The following XPR1 variants were observed in gnomAD, a reference collection of about 807,000 sequenced individuals.
The protein encoded by XPR1 is xenotropic and polytropic retrovirus receptor 1.
Under a neutral mutation model 87.5 loss-of-function variants are expected in XPR1, and 28 were observed. The observed-to-expected ratio is 0.32, with a 90% CI of 0.24 to 0.44. The LOEUF is 0.44. XPR1 is among the 20% of genes least tolerant of loss of function. The pLI, the probability that XPR1 is intolerant of heterozygous loss-of-function variation, is 1.00. For missense variants in XPR1, 559 were observed against 862.3 expected (o/e 0.65, Z 4.41); for synonymous variants, 300 against 306.1 (o/e 0.98, Z 0.21).
chr1:180,708,272 T>C (rs920467706), intron 2 of XPR1, among the ~76,000 whole-genome samples: 8 of 152,212 alleles, frequency 5.3e-5, no homozygotes, highest in Non-Finnish European at 1.2e-4. Context: ...TCATCTGTGA[T>C]TTACAAGACT....
At chr1:180,848,914 A>G (rs1406061922) in intron 11 of XPR1, among the ~76,000 whole-genome samples, 1 of 152,210 alleles carries the variant, frequency 6.6e-6, no homozygotes, top group Non-Finnish European at 1.5e-5. Context: ...TAAAAATTAA[A>G]TGTTACCATA....
intron 2 of XPR1, among the ~76,000 whole-genome samples, chr1:180,757,423 A>G (rs1027983370): frequency 6.6e-6 from 1 of 152,158 alleles, no homozygotes; most frequent in Admixed American, 6.5e-5. Flanking sequence ...TGAATACATC[A>G]GAAAAAAACT....
At chr1:180,711,540 T>G (rs989067833) in intron 2 of XPR1, among the ~76,000 whole-genome samples, 1 of 148,652 alleles carries the variant, frequency 6.7e-6, no homozygotes, top group African/African-American at 2.5e-5. Flanking sequence ...GGCAGGGAGG[T>G]TGCAGTGAGC....
intron 1 of XPR1, among the ~76,000 whole-genome samples, chr1:180,638,583 T>C (rs1654861231): frequency 6.6e-6 from 1 of 152,200 alleles, no homozygotes; most frequent in Non-Finnish European, 1.5e-5. Context: ...CACAAATTTA[T>C]AGAAGTCTTC....
intron 2 of XPR1, among the ~76,000 whole-genome samples, chr1:180,715,223 G>T (rs1657946145): frequency 6.6e-6 from 1 of 151,724 alleles, no homozygotes; most frequent in Non-Finnish European, 1.5e-5. Context: ...CAGAAATAAG[G>T]AAGGTAATTA....
chr1:180,881,772 C>T (rs1652859886), intron 14 of XPR1, among the ~76,000 whole-genome samples: 1 of 152,114 alleles, frequency 6.6e-6, no homozygotes, highest in Non-Finnish European at 1.5e-5. Context: ...TTTGGAAGTT[C>T]TCTGAAGAAG....
At chr1:180,728,861 T>C (rs929292315) in intron 2 of XPR1, among the ~76,000 whole-genome samples, 1 of 152,134 alleles carries the variant, frequency 6.6e-6, no homozygotes, top group African/African-American at 2.4e-5. Flanking sequence ...GTTTTTTTTG[T>C]GGAATGTTTA....
Position 180,840,566 on chromosome 1 carries a change from G to A in XPR1, c.1501+3850G>A, listed in dbSNP as rs201405230. Among the ~76,000 whole-genome samples, 382 of 136,388 alleles carry A rather than the reference G, an allele frequency of 2.8e-3. 1 individual carries two copies. The highest frequency in any genetic ancestry group is 8.4e-3 in the East Asian group (35 of 4,176). 89.5% of individuals were successfully genotyped at this position (136,388 alleles called of 152,430 possible). Reference sequence around the variant, plus strand: ...TGTGTGTGTGTGTGTGTGTGTGTGTGTATATATATATATATATATATATAA... The same window carrying A: ...TGTGTGTGTGTGTGTGTGTGTGTGTATATATATATATATATATATATATAA... On this transcript the variant is annotated intron_variant, in intron 11 of 14. Coordinates refer to ENST00000367590, the MANE Select transcript of XPR1 (RefSeq NM_004736.4).
intron 2 of XPR1, among the ~76,000 whole-genome samples, chr1:180,784,874 T>C (rs1476998200): frequency 6.6e-6 from 1 of 152,010 alleles, no homozygotes; most frequent in Non-Finnish European, 1.5e-5. Flanking sequence ...AAGTATACTT[T>C]TAATTACAGT....
At chr1:180,766,625 TTAAAA>T (rs1381046804) in intron 2 of XPR1, among the ~76,000 whole-genome samples, 2 of 152,180 alleles carry the variant, frequency 1.3e-5, no homozygotes, top group Non-Finnish European at 2.9e-5. Context: ...AAATTGTAAT[TTAAAA>T]TAAATTGTGG....
chr1:180,803,086 G>A (rs1649854127), intron 3 of XPR1, among the ~76,000 whole-genome samples: 1 of 152,112 alleles, frequency 6.6e-6, no homozygotes, highest in African/African-American at 2.4e-5. Context: ...TTAACCTTTC[G>A]AGAACTGCCA....
chr1:180,836,414 A>T, intron 10 of XPR1, 108 bp from the exon 11 acceptor site: 1 of 1,131,486 alleles, frequency 8.8e-7, no homozygotes, highest in Non-Finnish European at 1.3e-6. Context: ...AGTGATTCTG[A>T]AGGTTTTTTG....
At chr1:180,710,419 C>T (rs764725551) in intron 2 of XPR1, among the ~76,000 whole-genome samples, 25 of 152,174 alleles carry the variant, frequency 1.6e-4, no homozygotes, top group South Asian at 6.2e-4. Context: ...GAGCATGCTG[C>T]CTTCAAGCAT....
intron 2 of XPR1, among the ~76,000 whole-genome samples, chr1:180,708,287 C>A (rs754249209): frequency 6.6e-6 from 1 of 152,132 alleles, no homozygotes; most frequent in Non-Finnish European, 1.5e-5. Context: ...AAGACTGCAT[C>A]TAAAGAAGTA....
At chr1:180,837,383 C>T (rs1419098797) in intron 11 of XPR1, among the ~76,000 whole-genome samples, 3 of 152,172 alleles carry the variant, frequency 2.0e-5, no homozygotes, top group Non-Finnish European at 2.9e-5. Context: ...TTAGATGCTG[C>T]ACTTTTTCAT....
chr1:180,755,396 G>A (rs1023356954), intron 2 of XPR1, among the ~76,000 whole-genome samples: 1 of 152,160 alleles, frequency 6.6e-6, no homozygotes, highest in African/African-American at 2.4e-5. Context: ...AGAAACACTA[G>A]GTGAACTCAG....
chr1:180,655,545 C>T (rs1376749101), intron 1 of XPR1, among the ~76,000 whole-genome samples: 1 of 151,740 alleles, frequency 6.6e-6, no homozygotes, highest in Admixed American at 6.6e-5. Flanking sequence ...GGACTATAGT[C>T]GTGCACCTTC....
chr1:180,823,957 A>C (rs1472774820), intron 7 of XPR1, among the ~76,000 whole-genome samples: 1 of 152,222 alleles, frequency 6.6e-6, no homozygotes. Flanking sequence ...AACTGTTGTC[A>C]TTTATATGAC....
chr1:180,652,709 G>A (rs558529637), intron 1 of XPR1, among the ~76,000 whole-genome samples: 1 of 152,324 alleles, frequency 6.6e-6, no homozygotes, highest in African/African-American at 2.4e-5. Flanking sequence ...TGCATATGAT[G>A]TAATAACATG....
Sources: allele counts gnomAD v4.1 joint callset (sites outside exome capture counted in the v4.1 genomes callset), GRCh38; gene constraint gnomAD v4.1.1; transcripts MANE v1.5; gene names NCBI Gene and HGNC (gene_info 2026-07-23, HGNC 2026-07-21).